The following EIF2AK4 variants were observed in gnomAD, a reference collection of about 807,000 sequenced individuals.
EIF2AK4 encodes eIF-2-alpha kinase GCN2.
EIF2AK4 carries 139 observed loss-of-function variants against 211.1 expected under a neutral mutation model. The observed-to-expected ratio is 0.66, with a 90% CI of 0.57 to 0.76. The LOEUF (loss-of-function observed/expected upper bound fraction) is 0.76. Ranked by LOEUF, EIF2AK4 falls within the 30% of genes least tolerant of loss-of-function variation. The probability of loss-of-function intolerance (pLI) is 0.00; values close to 1 mark genes in which losing one functional copy is unlikely to be tolerated. For missense variants in EIF2AK4, 1,664 were observed against 2,043.8 expected, an observed-to-expected ratio of 0.81 and a Z score of 3.58; for synonymous variants, 710 against 751.3, an observed-to-expected ratio of 0.94 and a Z score of 0.90.
At chr15:39,961,617 C>T (rs1039577463) in intron 6 of EIF2AK4, among the ~76,000 whole-genome samples, 167 bp from the exon 7 acceptor site, 1 of 152,114 alleles carries the variant, frequency 6.6e-6, no homozygotes. Context: ...CTACTCAATT[C>T]CCAGTAGAAA....
intron 29 of EIF2AK4, among the ~76,000 whole-genome samples, chr15:40,017,558 T>TGTATGTATGTA (rs1555422343): frequency 1.4e-4 from 18 of 127,986 alleles, no homozygotes; most frequent in East Asian, 2.3e-4. Context: ...TATATATGTA[T>TGTATGTATGTA]TTTGGAGACA....
chr15:39,992,075 C>A, intron 16 of EIF2AK4, 100 bp from the exon 17 acceptor site: 1 of 1,101,174 alleles, frequency 9.1e-7, no homozygotes, highest in African/African-American at 1.6e-5. Context: ...ATTTTGATTT[C>A]CATGTAATAT....
At chr15:39,988,773 G>A (rs542943386) in intron 15 of EIF2AK4, among the ~76,000 whole-genome samples, 1 of 152,298 alleles carries the variant, frequency 6.6e-6, no homozygotes, top group African/African-American at 2.4e-5. Flanking sequence ...GGTCAAGATG[G>A]GCGGATCACT....
intron 25 of EIF2AK4, among the ~76,000 whole-genome samples, 160 bp from the exon 26 acceptor site, chr15:40,009,454 G>A (rs2035207686): frequency 6.6e-6 from 1 of 151,498 alleles, no homozygotes; most frequent in Non-Finnish European, 1.5e-5. Flanking sequence ...CTATAACAGT[G>A]CAAAAAGAAT....
intron 12 of EIF2AK4, 35 bp downstream of exon 12, chr15:39,976,879 C>G (rs2034704434): frequency 1.4e-6 from 2 of 1,431,306 alleles, no homozygotes; most frequent in Admixed American, 2.9e-5. Flanking sequence ...GCCTCTGATG[C>G]GCCCCCTAGT....
chr15:40,022,656 G>A, intron 32 of EIF2AK4, 51 bp downstream of exon 32: 2 of 1,531,628 alleles, frequency 1.3e-6, no homozygotes, highest in Non-Finnish European at 1.8e-6. Context: ...GTTACCTGTG[G>A]AGCACCTGCC....
At chr15:40,002,022 T>C (rs1300953623) in intron 21 of EIF2AK4, among the ~76,000 whole-genome samples, 1 of 152,238 alleles carries the variant, frequency 6.6e-6, no homozygotes, top group African/African-American at 2.4e-5. Context: ...TGTTATATTC[T>C]CTATTATGTT....
intron 23 of EIF2AK4, among the ~76,000 whole-genome samples, chr15:40,005,537 A>G (rs1008364471): frequency 6.6e-6 from 1 of 151,776 alleles, no homozygotes; most frequent in African/African-American, 2.4e-5. Context: ...AAAACTGTAC[A>G]TAAGGTATAC....
intron 18 of EIF2AK4, among the ~76,000 whole-genome samples, chr15:39,996,181 G>A (rs961248593): frequency 6.6e-6 from 1 of 152,144 alleles, no homozygotes; most frequent in Non-Finnish European, 1.5e-5. Context: ...TGTCACAAAT[G>A]GCAAGATTCT....
At chr15:39,970,143 G>C (rs1228839984) in intron 9 of EIF2AK4, among the ~76,000 whole-genome samples, 2 of 152,214 alleles carry the variant, frequency 1.3e-5, no homozygotes, top group Admixed American at 1.3e-4. Context: ...TCAGTAGTGA[G>C]AACTATGAAG....
intron 27 of EIF2AK4, among the ~76,000 whole-genome samples, chr15:40,012,991 C>T (rs1053435034): frequency 1.3e-5 from 2 of 152,104 alleles, no homozygotes; most frequent in Non-Finnish European, 2.9e-5. Flanking sequence ...GTGATTTGTC[C>T]TGAGTCACAT....
intron 16 of EIF2AK4, among the ~76,000 whole-genome samples, chr15:39,990,998 G>A (rs186940054): frequency 2.7e-4 from 41 of 152,332 alleles, no homozygotes; most frequent in Admixed American, 1.4e-3. Context: ...AAGAGGATGC[G>A]GGGCAGTTGA....
intron 32 of EIF2AK4, among the ~76,000 whole-genome samples, chr15:40,023,249 A>G (rs1201444406): frequency 6.6e-6 from 1 of 152,178 alleles, no homozygotes; most frequent in Non-Finnish European, 1.5e-5. Flanking sequence ...ACTTTTTTGT[A>G]TTCAACTAAA....
chr15:39,953,764 C>T, intron 4 of EIF2AK4, 140 bp from the exon 5 acceptor site: 1 of 788,564 alleles, frequency 1.3e-6, no homozygotes, highest in East Asian at 2.5e-5. Context: ...GCAGTTTGTA[C>T]TAAGATGCTG....
At chr15:39,943,351 C>CT (rs5812147) in intron 2 of EIF2AK4, 32 bp from the exon 3 acceptor site, 82,762 of 860,620 alleles carry the variant, frequency 0.096, 2,992 homozygotes, top group African/African-American at 0.21. Flanking sequence ...TGGAGTAACT[C>CT]TTTTTTTTTT....
chr15:39,965,644 C>T (rs775416597), intron 7 of EIF2AK4, 42 bp from the exon 8 acceptor site: 169 of 1,605,006 alleles, frequency 1.1e-4, no homozygotes, highest in Non-Finnish European at 1.4e-4. Context: ...CAAGAGAAAA[C>T]ATACCAGTGG....
chr15:39,964,230 A>G (rs2034512252), intron 7 of EIF2AK4, among the ~76,000 whole-genome samples: 9 of 152,248 alleles, frequency 5.9e-5, no homozygotes, highest in Admixed American at 5.9e-4. Flanking sequence ...AGACATCTTT[A>G]TCATGTATAT....
intron 27 of EIF2AK4, among the ~76,000 whole-genome samples, chr15:40,013,518 G>A (rs555728451): frequency 6.6e-6 from 1 of 151,806 alleles, no homozygotes; most frequent in South Asian, 2.1e-4. Flanking sequence ...AGCAAGTCAC[G>A]TCTTATATGG....
At chr15:39,954,022 C>T in intron 5 of EIF2AK4, 38 bp downstream of exon 5, 2 of 1,506,928 alleles carry the variant, frequency 1.3e-6, no homozygotes, top group South Asian at 1.2e-5. Context: ...TTACATTTTG[C>T]AAAACAAAGT....
Sources: allele counts gnomAD v4.1 joint callset (sites outside exome capture counted in the v4.1 genomes callset), GRCh38; gene constraint gnomAD v4.1.1; transcripts MANE v1.5; gene names NCBI Gene and HGNC (gene_info 2026-07-23, HGNC 2026-07-21).